The following COLEC12 variants were observed in gnomAD, a reference collection of about 807,000 sequenced individuals.
COLEC12 encodes collectin subfamily member 12.
COLEC12 carries 33 observed loss-of-function variants against 71.1 expected under a neutral mutation model. The observed-to-expected ratio is 0.46, with a 90% CI of 0.35 to 0.62. COLEC12 has a LOEUF of 0.62. Ranked by LOEUF, COLEC12 falls within the 20% of genes least tolerant of loss-of-function variation. The pLI, the probability that COLEC12 is intolerant of heterozygous loss-of-function variation, is 0.00. For missense variants in COLEC12, 765 were observed against 916.1 expected, an observed-to-expected ratio of 0.84 and a Z score of 2.13; for synonymous variants, 350 against 353.0, an observed-to-expected ratio of 0.99 and a Z score of 0.10.
At chr18:394,031 AC>A (rs1360013769) in intron 2 of COLEC12, among the ~76,000 whole-genome samples, 3 of 152,040 alleles carry the variant, frequency 2.0e-5, no homozygotes, top group African/African-American at 2.4e-5. Flanking sequence ...CTTAGAGAAG[AC>A]CCCAATCTCC....
intron 2 of COLEC12, among the ~76,000 whole-genome samples, chr18:390,938 T>C (rs1451565447): frequency 1.3e-5 from 2 of 152,138 alleles, no homozygotes; most frequent in Non-Finnish European, 2.9e-5. Flanking sequence ...ATCGTTCCCA[T>C]AGCAGCAAAC....
chr18:476,986 G>C (rs1917318329), intron 2 of COLEC12, among the ~76,000 whole-genome samples: 1 of 152,140 alleles, frequency 6.6e-6, no homozygotes, highest in Admixed American at 6.5e-5. Flanking sequence ...GCAAAGAAGT[G>C]ACAAAACCAT....
At chr18:455,324 C>CTGGA (rs1916845433) in intron 2 of COLEC12, among the ~76,000 whole-genome samples, 2 of 145,990 alleles carry the variant, frequency 1.4e-5, no homozygotes, top group Admixed American at 1.4e-4. Context: ...GTCACCCAGG[C>CTGGA]TGGAGTGCAG....
intron 2 of COLEC12, among the ~76,000 whole-genome samples, chr18:363,278 A>G (rs1193646638): frequency 6.6e-6 from 1 of 152,128 alleles, no homozygotes; most frequent in Non-Finnish European, 1.5e-5. Flanking sequence ...TGCCATGTAT[A>G]TCACTGAAGG....
chr18:423,025 C>T (rs1285783905), intron 2 of COLEC12, among the ~76,000 whole-genome samples: 3 of 152,202 alleles, frequency 2.0e-5, no homozygotes, highest in Non-Finnish European at 4.4e-5. Flanking sequence ...AATCCTAATA[C>T]GTTGGGAGGC....
rs141730274 is a variant in COLEC12 at position 365,065 on chromosome 18, C to T, written c.59-7543G>A. Among the ~76,000 whole-genome samples the T allele has an allele frequency of 2.4e-3, 365 of 152,038 alleles. 2 individuals are homozygous for T. Among genetic ancestry groups the T allele is most frequent in the African/African-American group, 7.9e-3 (329 of 41,482 alleles). On this transcript the variant is annotated intron_variant, in intron 2 of 9. Coordinates refer to ENST00000400256, the MANE Select transcript of COLEC12 (RefSeq NM_130386.3). ...TAGAAAACGGACCAGTTAGACATAC[C>T]AGTAGAAGTATTCTGTCAAAATAAA...
chr18:373,071 T>G (rs925723183), intron 2 of COLEC12, among the ~76,000 whole-genome samples: 1 of 152,254 alleles, frequency 6.6e-6, no homozygotes, highest in African/African-American at 2.4e-5. Context: ...CATGGTGAAC[T>G]GGAACACAAG....
chr18:443,988 C>A (rs1443813413), intron 2 of COLEC12, among the ~76,000 whole-genome samples: 1 of 152,146 alleles, frequency 6.6e-6, no homozygotes, highest in Non-Finnish European at 1.5e-5. Context: ...CGTAAAAGCT[C>A]CCTGAGGCCT....
At chr18:388,040 T>C (rs1328857405) in intron 2 of COLEC12, among the ~76,000 whole-genome samples, 1 of 152,182 alleles carries the variant, frequency 6.6e-6, no homozygotes, top group African/African-American at 2.4e-5. Context: ...GTTTACGGAA[T>C]TGGCTAGTAG....
chr18:490,327 G>C (rs1481731673), intron 1 of COLEC12, among the ~76,000 whole-genome samples: 4 of 152,202 alleles, frequency 2.6e-5, no homozygotes, highest in African/African-American at 7.2e-5. Context: ...GCAGAATTGT[G>C]AGCAAAAAAC....
At chr18:405,156 T>C (rs1915760473) in intron 2 of COLEC12, among the ~76,000 whole-genome samples, 2 of 152,118 alleles carry the variant, frequency 1.3e-5, no homozygotes, top group Non-Finnish European at 2.9e-5. Flanking sequence ...TCAAACCCTG[T>C]TTTCTGTTAT....
At chr18:334,584 C>T (rs773393765) in intron 6 of COLEC12, 158 bp downstream of exon 6, 36 of 518,444 alleles carry the variant, frequency 6.9e-5, no homozygotes, top group South Asian at 1.5e-4. Flanking sequence ...GCCGAGATCA[C>T]GCCACTGCAC....
chr18:444,377 G>A (rs553099638), intron 2 of COLEC12, among the ~76,000 whole-genome samples: 21 of 152,192 alleles, frequency 1.4e-4, no homozygotes, highest in African/African-American at 5.1e-4. Flanking sequence ...TCCATATCTG[G>A]GGGCTGATCC....
chr18:463,936 T>A (rs1370064847), intron 2 of COLEC12, among the ~76,000 whole-genome samples: 2 of 152,122 alleles, frequency 1.3e-5, no homozygotes, highest in East Asian at 3.9e-4. Context: ...CCTGGCCCAT[T>A]CCCTGCACCT....
chr18:328,066 G>C (rs1913886861), intron 8 of COLEC12, among the ~76,000 whole-genome samples: 1 of 151,772 alleles, frequency 6.6e-6, no homozygotes, highest in Non-Finnish European at 1.5e-5. Flanking sequence ...TTGAACTCCT[G>C]GCCTCAAATG....
At chr18:456,593 G>A (rs968798527) in intron 2 of COLEC12, among the ~76,000 whole-genome samples, 1 of 152,198 alleles carries the variant, frequency 6.6e-6, no homozygotes, top group African/African-American at 2.4e-5. Context: ...GCTTAGGAAG[G>A]TCACAAACCC....
chr18:417,713 G>T (rs1916015524), intron 2 of COLEC12, among the ~76,000 whole-genome samples: 2 of 152,200 alleles, frequency 1.3e-5, no homozygotes, highest in African/African-American at 2.4e-5. Flanking sequence ...TCATTTCTGA[G>T]GCCTGTTGCT....
At chr18:497,949 A>G (rs1311867508) in intron 1 of COLEC12, among the ~76,000 whole-genome samples, 2 of 152,196 alleles carry the variant, frequency 1.3e-5, no homozygotes, top group African/African-American at 4.8e-5. Context: ...CTTCCTGGAT[A>G]CAGCACCAAT....
intron 2 of COLEC12, among the ~76,000 whole-genome samples, chr18:452,276 A>G (rs1399768394): frequency 6.6e-6 from 1 of 152,214 alleles, no homozygotes; most frequent in Non-Finnish European, 1.5e-5. Flanking sequence ...TCAAACTTCT[A>G]CCATCTATGG....
Sources: gnomAD v4.1 joint callset for allele counts (sites outside exome capture counted in the v4.1 genomes callset) on GRCh38, gnomAD v4.1.1 for gene constraint, MANE v1.5 for transcripts, NCBI Gene and HGNC (gene_info 2026-07-23, HGNC 2026-07-21) for gene names.